The following FBN2 variants were observed in gnomAD, a reference collection of about 807,000 sequenced individuals.
FBN2 encodes fibrillin 2.
Under a neutral mutation model 355.6 loss-of-function variants are expected in FBN2, and 105 were observed. The observed-to-expected ratio is 0.30, with a 90% CI of 0.25 to 0.35. FBN2 has a LOEUF of 0.35. Among genes scored for constraint, FBN2 ranks in the 10% least tolerant of loss-of-function variants. FBN2 has a pLI of 1.00. For synonymous variants in FBN2, 1,350 were observed against 1,301.2 expected, an observed-to-expected ratio of 1.04 and a Z score of -0.81; for missense variants, 3,280 against 3,758.7, an observed-to-expected ratio of 0.87 and a Z score of 3.33.
chr5:128,504,546 CTTTAAGA>C lies in FBN2; in HGVS notation c.628+14720_628+14726del, dbSNP rs201006350. 8.5e-5 allele frequency among the ~76,000 whole-genome samples: 13 copies of C among 152,306 alleles called. No individual in the cohort carries two copies. The East Asian group carries it at 2.3e-3, about 27-fold the overall frequency. On this transcript the variant is annotated intron_variant, in intron 5 of 64. Coordinates refer to ENST00000262464, the MANE Select transcript of FBN2 (RefSeq NM_001999.4). ...GGAGTCAAAAGGGATCATTATGGAG[CTTTAAGA>C]TTTGACTGCCCCACTGGATTTCAGA...
intron 5 of FBN2, among the ~76,000 whole-genome samples, chr5:128,511,676 T>G (rs1247685831): frequency 3.3e-5 from 5 of 152,152 alleles, no homozygotes; most frequent in Admixed American, 3.3e-4. Context: ...TCTAGAGGAA[T>G]GGATATATGG....
rs747531309 is a variant in FBN2, at chr5:128,277,902, G to A, written c.7449C>T (p.Asp2483=). The A allele has an allele frequency of 1.2e-6, 2 of 1,613,998 alleles. No individual in the cohort carries two copies. Among genetic ancestry groups the A allele is most frequent in the East Asian group, 2.2e-5 (1 of 44,870 alleles). ...TACCTATACAAGAGGTTCCACTGATGTCTGTGGTGTAGCCAACCTTGCAGA... is the reference window on the plus strand; with the variant it reads ...TACCTATACAAGAGGTTCCACTGATATCTGTGGTGTAGCCAACCTTGCAGA... ...RCFCKVGYTT[D]ISGTSCIDLD... The change falls in exon 58 of 65, where the codon GAC becomes GAT. Residue 2483 remains aspartate (D), a synonymous_variant. Transcript: ENST00000262464.
At chr5:128,333,839 TCACACACACACACA>T (rs368334500) in intron 31 of FBN2, among the ~76,000 whole-genome samples, 8 of 122,848 alleles carry the variant, frequency 6.5e-5, no homozygotes, top group African/African-American at 1.2e-4. Flanking sequence ...GATGCTGAAA[TCACACACACACACA>T]CACACACACA....
chr5:128,341,094 G>A lies in FBN2; in HGVS notation c.3344-2033C>T, dbSNP rs139517464. 9.8e-4 allele frequency among the ~76,000 whole-genome samples: 149 copies of A among 152,280 alleles called. 1 individual carries two copies. The highest frequency in any genetic ancestry group is 3.0e-3 in the African/African-American group (124 of 41,550). On this transcript the variant is annotated intron_variant, in intron 25 of 64. Coordinates refer to ENST00000262464, the MANE Select transcript of FBN2 (RefSeq NM_001999.4). Reference sequence around the variant, plus strand: ...ACTAAAAGCCCCCAGCATGGGAGGAGACCGGCCCTTCCTGCTGTGAAGATG... The same window carrying A: ...ACTAAAAGCCCCCAGCATGGGAGGAAACCGGCCCTTCCTGCTGTGAAGATG...
intron 5 of FBN2, among the ~76,000 whole-genome samples, chr5:128,465,584 C>T (rs1754691013): frequency 6.6e-6 from 1 of 152,186 alleles, no homozygotes; most frequent in African/African-American, 2.4e-5. Context: ...GTTTCTGTGT[C>T]AGTCAGTTTA....
intron 7 of FBN2, among the ~76,000 whole-genome samples, chr5:128,444,152 A>G (rs1357340301): frequency 7.2e-6 from 1 of 139,792 alleles, no homozygotes; most frequent in Non-Finnish European, 1.5e-5. Context: ...GGCTCACTGC[A>G]AGCTCCGCCT....
At position 128,530,586 on chromosome 5, in the gene FBN2, G is replaced by A. The variant is rs1188387771; in HGVS notation, c.436+9C>T. The stretch of plus-strand genomic sequence containing the variant: ...AATGCAGTGAAAAGGCCACAAGTAA[G>A]AAACATACTTGATTTTGATCCACAG... On this transcript the variant is annotated intron_variant, in intron 3 of 64. Coordinates refer to ENST00000262464, the MANE Select transcript of FBN2 (RefSeq NM_001999.4). 1 of 1,590,778 alleles carries A rather than the reference G, an allele frequency of 6.3e-7. No homozygotes were observed. Among genetic ancestry groups the A allele is most frequent in the Admixed American group, 1.7e-5 (1 of 59,916 alleles).
chr5:128,394,667 ATAT>A (rs769841940), intron 9 of FBN2, among the ~76,000 whole-genome samples: 1 of 152,242 alleles, frequency 6.6e-6, no homozygotes, highest in Non-Finnish European at 1.5e-5. Context: ...ACTAAATTAG[ATAT>A]TATCAAAACT....
intron 46 of FBN2, 92 bp downstream of exon 46, chr5:128,302,881 T>C (rs1193681742): frequency 1.2e-6 from 1 of 801,360 alleles, no homozygotes; most frequent in African/African-American, 1.8e-5. Context: ...TTTAGTAATA[T>C]AATTTTTTTT....
intron 9 of FBN2, among the ~76,000 whole-genome samples, chr5:128,394,333 C>T (rs1752593140): frequency 6.6e-6 from 1 of 152,242 alleles, no homozygotes; most frequent in Non-Finnish European, 1.5e-5. Flanking sequence ...TTCTCATTAA[C>T]CCTAATTTCC....
intron 18 of FBN2, among the ~76,000 whole-genome samples, chr5:128,363,801 T>C (rs545575214): frequency 4.9e-4 from 74 of 152,334 alleles, no homozygotes; most frequent in Non-Finnish European, 9.3e-4. Flanking sequence ...AAATCTATTA[T>C]AGCACGTAAT....
At chr5:128,347,436 G>A (rs778292263) in intron 23 of FBN2, among the ~76,000 whole-genome samples, 1 of 152,148 alleles carries the variant, frequency 6.6e-6, no homozygotes, top group Non-Finnish European at 1.5e-5. Context: ...TCCTTGCATG[G>A]AAATTAAAAT....
At chr5:128,404,115 C>T (rs556617025) in intron 8 of FBN2, among the ~76,000 whole-genome samples, 18 of 152,310 alleles carry the variant, frequency 1.2e-4, no homozygotes, top group Middle Eastern at 3.4e-3. Context: ...TCTTTATTAG[C>T]ATACATGTGG....
intron 18 of FBN2, 38 bp downstream of exon 18, chr5:128,364,562 T>C (rs1056658617): frequency 6.3e-7 from 1 of 1,590,752 alleles, no homozygotes; most frequent in African/African-American, 1.3e-5. Context: ...GATTAAACTA[T>C]ATGAAATGTT....
intron 5 of FBN2, 55 bp downstream of exon 5, chr5:128,519,218 A>C (rs1162919586): frequency 4.8e-6 from 6 of 1,258,518 alleles, no homozygotes; most frequent in Admixed American, 1.8e-5. Context: ...AAAATTATAC[A>C]TTTTTACAAT....
intron 7 of FBN2, among the ~76,000 whole-genome samples, chr5:128,445,045 G>T (rs145701673): frequency 6.6e-6 from 1 of 152,184 alleles, no homozygotes; most frequent in Non-Finnish European, 1.5e-5. Context: ...GCAGATCCCT[G>T]AGTTTTTGGT....
At chr5:128,264,542 G>A (rs1286012789) in intron 62 of FBN2, among the ~76,000 whole-genome samples, 1 of 152,128 alleles carries the variant, frequency 6.6e-6, no homozygotes, top group Non-Finnish European at 1.5e-5. Flanking sequence ...GTCTGATTAT[G>A]CTTTCAACTT....
At chr5:128,510,666 G>A (rs1756088571) in intron 5 of FBN2, among the ~76,000 whole-genome samples, 1 of 152,102 alleles carries the variant, frequency 6.6e-6, no homozygotes, top group Non-Finnish European at 1.5e-5. Flanking sequence ...CTGAGCCTAT[G>A]AATTCAGAGT....
intron 6 of FBN2, among the ~76,000 whole-genome samples, chr5:128,464,069 ATAAT>A (rs1345099711): frequency 1.3e-5 from 2 of 152,228 alleles, no homozygotes; most frequent in African/African-American, 4.8e-5. Context: ...ATTAATTAAA[ATAAT>A]TAATCAGTAA....
Sources: allele counts gnomAD v4.1 joint callset (sites outside exome capture counted in the v4.1 genomes callset), GRCh38; gene constraint gnomAD v4.1.1; transcripts MANE v1.5; gene names NCBI Gene and HGNC (gene_info 2026-07-23, HGNC 2026-07-21).